Variants in CAPN9 observed in about 807,000 individuals in gnomAD.
The protein encoded by CAPN9 is calpain 9.
Under a neutral mutation model 92.8 loss-of-function variants are expected in CAPN9, and 81 were observed. The observed-to-expected ratio is 0.87, with a 90% confidence interval of 0.73 to 1.05. CAPN9 has a LOEUF of 1.05. Among genes scored for constraint, CAPN9 ranks in the 50% least tolerant of loss-of-function variants. CAPN9 has a pLI of 0.00. For missense variants in CAPN9, 848 were observed against 866.2 expected (o/e 0.98, Z 0.26); for synonymous variants, 304 against 328.0 (o/e 0.93, Z 0.79).
rs1422127632 is a variant in CAPN9 at position 230,798,173 on chromosome 1, G to A, written c.1999G>A (p.Ala667Thr). The change falls in exon 19 of 20, where the codon GCT becomes ACT. Residue 667 changes from alanine (A) to threonine (T), a missense_variant. Physicochemically the swap from Ala to Thr is moderately conservative, Grantham distance 58. Coordinates refer to ENST00000271971, the MANE Select transcript of CAPN9 (RefSeq NM_006615.3). ...TTCTCTCCTATCAGGGGTGTTCCAGGCTCTCAGTACAAAGAACAAGGAGTT... is the reference window on the plus strand; with the variant it reads ...TTCTCTCCTATCAGGGGTGTTCCAGACTCTCAGTACAAAGAACAAGGAGTT... The part of the protein sequence containing the change: ...RLENASRVFQ[A>T]LSTKNKEFIH... The A allele has an allele frequency of 6.2e-6, 10 of 1,609,666 alleles. No homozygotes were observed. Among genetic ancestry groups the A allele is most frequent in the Non-Finnish European group, 8.5e-6 (10 of 1,176,018 alleles).
At chr1:230,796,536 A>G (rs1168347451) in intron 18 of CAPN9, among the ~76,000 whole-genome samples, 1 of 152,054 alleles carries the variant, frequency 6.6e-6, no homozygotes, top group Non-Finnish European at 1.5e-5. Flanking sequence ...TGGACAATCA[A>G]TGAGTATGTG....
chr1:230,770,298 A>G (rs1255234861), intron 6 of CAPN9, among the ~76,000 whole-genome samples: 1 of 152,208 alleles, frequency 6.6e-6, no homozygotes, highest in Non-Finnish European at 1.5e-5. Context: ...GTCCCAGCTC[A>G]GGCACCCAGG....
intron 19 of CAPN9, among the ~76,000 whole-genome samples, chr1:230,800,413 G>A (rs1226052335): frequency 1.3e-5 from 2 of 152,072 alleles, no homozygotes; most frequent in South Asian, 2.1e-4. Context: ...GCTGCCCCTG[G>A]TCCATGGTGG....
chr1:230,755,731 G>A (rs958878673), intron 2 of CAPN9, among the ~76,000 whole-genome samples: 1 of 152,168 alleles, frequency 6.6e-6, no homozygotes, highest in African/African-American at 2.4e-5. Context: ...AGTCACCTGC[G>A]AGGTACTCTC....
chr1:230,771,734 A>C (rs767904726), intron 6 of CAPN9, among the ~76,000 whole-genome samples: 2 of 152,218 alleles, frequency 1.3e-5, no homozygotes, highest in African/African-American at 2.4e-5. Context: ...ATTTCTTGTT[A>C]ATTGCAATTC....
rs538914912 is a variant in CAPN9 at position 230,751,679 on chromosome 1, G to T, written c.214-3658G>T. ...AGAAAGAAAGAAAGAAAGAAAGAAA[G>T]AAAGAAGGGTGGCTTTTCCCTTTGT... On this transcript the variant is annotated intron_variant, in intron 1 of 19. Transcript: ENST00000271971. 3.4e-5 allele frequency among the ~76,000 whole-genome samples: 5 copies of T among 147,252 alleles called. 1 individual carries two copies. In the South Asian group the frequency reaches 1.1e-3, roughly 32 times the overall value.
In CAPN9 at chr1:230,747,481, C is replaced by T. The variant is rs777079387; in HGVS notation, c.-16C>T. On this transcript the variant is annotated 5_prime_UTR_variant, in exon 1 of 20. Coordinates refer to ENST00000271971, the MANE Select transcript of CAPN9 (RefSeq NM_006615.3). ...CATCCACTGCCGGACCCAAGCCAGC[C>T]TTCCAGGGAGCAGCCATGCCTTACC... 17 of 1,611,604 alleles carry T rather than the reference C, an allele frequency of 1.1e-5. No homozygotes were observed. Among genetic ancestry groups the T allele is most frequent in the Admixed American group, 6.7e-5 (4 of 60,012 alleles).
intron 8 of CAPN9, among the ~76,000 whole-genome samples, chr1:230,775,107 G>C (rs1019862884): frequency 1.3e-5 from 2 of 152,082 alleles, no homozygotes; most frequent in Admixed American, 6.5e-5. Context: ...CCAGATTAGA[G>C]GGAAATTTAA....
chr1:230,793,080 G>A (rs376433347), intron 17 of CAPN9, 152 bp downstream of exon 17: 1 of 648,446 alleles, frequency 1.5e-6, no homozygotes, highest in Non-Finnish European at 2.7e-6. Context: ...TTGGAGTGGT[G>A]GCACCAGGGT....
chr1:230,797,470 C>T (rs1247620500), intron 18 of CAPN9, among the ~76,000 whole-genome samples: 1 of 152,216 alleles, frequency 6.6e-6, no homozygotes, highest in African/African-American at 2.4e-5. Flanking sequence ...GACTCAGGAT[C>T]CACACAAGAC....
intron 8 of CAPN9, among the ~76,000 whole-genome samples, chr1:230,774,901 C>A (rs1303381250): frequency 6.6e-6 from 1 of 151,930 alleles, no homozygotes; most frequent in Non-Finnish European, 1.5e-5. Context: ...GCCACCACGC[C>A]CGACTCATTT....
intron 1 of CAPN9, among the ~76,000 whole-genome samples, chr1:230,751,639 GA>G (rs1396220420): frequency 1.0e-4 from 10 of 97,230 alleles, no homozygotes; most frequent in African/African-American, 5.0e-4. Context: ...AAGAAAGAAA[GA>G]AAGAAAGAAA....
intron 9 of CAPN9, 57 bp downstream of exon 9, chr1:230,779,190 G>A: frequency 6.5e-7 from 1 of 1,540,588 alleles, no homozygotes; most frequent in South Asian, 1.1e-5. Context: ...TCCAACTCAG[G>A]ACACCAAAGG....
Position 230,762,736 on chromosome 1 carries a change from T to C in CAPN9, c.486T>C (p.Ser162=), listed in dbSNP as rs1665721850. 1.2e-6 allele frequency: 2 copies of C among 1,614,070 alleles called. No individual in the cohort carries two copies. Among genetic ancestry groups the C allele is most frequent in the Admixed American group, 3.3e-5 (2 of 60,006 alleles). ...GGGACCGCTTGGTTTTCCTCCACTC[T>C]GCCGACCACAACGAGTTCTGGAGCG... ...TFRDRLVFLH[S]ADHNEFWSAL... is the part of the protein sequence containing the mutation. The change falls in exon 4 of 20, where the codon TCT becomes TCC. Residue 162 remains serine (S), a synonymous_variant. Transcript: ENST00000271971.
intron 6 of CAPN9, among the ~76,000 whole-genome samples, chr1:230,771,014 A>G (rs1666356326): frequency 1.3e-5 from 2 of 152,150 alleles, no homozygotes; most frequent in African/African-American, 4.8e-5. Context: ...TGACTTGCAG[A>G]TTGCTCACTC....
At position 230,781,210 on chromosome 1, in the gene CAPN9, T is replaced by C. The variant is rs1263432485; in HGVS notation, c.1481+502T>C. Among the ~76,000 whole-genome samples, 7 of 147,862 alleles carry C rather than the reference T, an allele frequency of 4.7e-5. No homozygotes were observed. In the South Asian group the frequency reaches 1.1e-3, roughly 23 times the overall value. ...GCTTATCTGCAAGGCAAGGCACATA[T>C]CCCTTCTAGCTCTGCTCCCTCGCTC... is the stretch of plus-strand genomic sequence containing the variant. On this transcript the variant is annotated intron_variant, in intron 11 of 19. Transcript: ENST00000271971.
rs763331519 is a variant in CAPN9, at chr1:230,747,577, G to C, written c.81G>C (p.Gln27His). 6.2e-7 allele frequency: 1 copy of C among 1,614,100 alleles called. No homozygotes were observed. The highest frequency in any genetic ancestry group is 1.3e-5 in the African/African-American group (1 of 74,944). The change falls in exon 1 of 20, where the codon CAG (glutamine) becomes CAC (histidine). Residue 27 changes from glutamine to histidine, a missense_variant. By Grantham distance (24) the Gln-to-His change is conservative. Transcript: ENST00000271971. ...KDARITHSSGQSFEQMRQECL... is the reference protein window; with the variant it reads ...KDARITHSSGHSFEQMRQECL... Reference sequence around the variant, plus strand: ...CCCGGATCACCCACTCCTCAGGCCAGAGCTTTGAGCAAATGAGGCAGGAGT... The same window carrying C: ...CCCGGATCACCCACTCCTCAGGCCACAGCTTTGAGCAAATGAGGCAGGAGT...
chr1:230,782,030 G>A (rs1667260433), intron 11 of CAPN9, among the ~76,000 whole-genome samples: 1 of 152,182 alleles, frequency 6.6e-6, no homozygotes, highest in Non-Finnish European at 1.5e-5. Flanking sequence ...AAAGTACCCT[G>A]TATGAGATCC....
intron 18 of CAPN9, among the ~76,000 whole-genome samples, chr1:230,797,869 C>G (rs1572101107): frequency 6.6e-6 from 1 of 152,316 alleles, no homozygotes; most frequent in East Asian, 1.9e-4. Flanking sequence ...CTGTACCCCC[C>G]AGAAGGTTAA....
Sources: allele counts gnomAD v4.1 joint callset (sites outside exome capture counted in the v4.1 genomes callset), GRCh38; gene constraint gnomAD v4.1.1; transcripts MANE v1.5; gene names NCBI Gene and HGNC (gene_info 2026-07-23, HGNC 2026-07-21).